The following DPP6 variants were observed in gnomAD, a reference collection of about 807,000 sequenced individuals.
DPP6 encodes the protein A-type potassium channel modulatory protein DPP6.
DPP6 carries 69 observed loss-of-function variants against 122.6 expected under a neutral mutation model. The ratio of observed to expected loss-of-function variants is 0.56; its 90% CI spans 0.46 to 0.69. The LOEUF is 0.69. Ranked by LOEUF, DPP6 falls within the 30% of genes least tolerant of loss-of-function variation. The pLI, the probability that DPP6 is intolerant of heterozygous loss-of-function variation, is 0.00. For missense variants in DPP6, 928 were observed against 1,116.9 expected (o/e 0.83, Z 2.41); for synonymous variants, 418 against 433.1 (o/e 0.97, Z 0.43).
chr7:154,867,050 GATC>G (rs1177007214), intron 17 of DPP6, among the ~76,000 whole-genome samples: 1 of 150,016 alleles, frequency 6.7e-6, no homozygotes, highest in Non-Finnish European at 1.5e-5. Context: ...CATTGTTTGT[GATC>G]ATTTGTTTAC....
intron 10 of DPP6, among the ~76,000 whole-genome samples, chr7:154,783,527 G>A (rs1797156124): frequency 6.6e-6 from 1 of 152,156 alleles, no homozygotes; most frequent in South Asian, 2.1e-4. Flanking sequence ...CGCAGCACAG[G>A]ATTCTGCTCT....
At chr7:154,745,133 AG>A (rs1005736340) in intron 8 of DPP6, among the ~76,000 whole-genome samples, 10 of 152,232 alleles carry the variant, frequency 6.6e-5, no homozygotes, top group Non-Finnish European at 1.3e-4. Context: ...CCAGCAGTGT[AG>A]TGGAAGGAGC....
At chr7:153,778,279 G>A in the DPP6 span, among the ~76,000 whole-genome samples, 4 of 151,758 alleles carry the variant, frequency 2.6e-5, no homozygotes, top group African/African-American at 9.7e-5. Flanking sequence ...AGGGAGCTTG[G>A]TGGTATCCGT....
At chr7:154,044,093 A>G (rs1799900842) in intron 1 of DPP6, among the ~76,000 whole-genome samples, 1 of 152,042 alleles carries the variant, frequency 6.6e-6, no homozygotes, top group Admixed American at 6.6e-5. Flanking sequence ...GTGAGGGAAA[A>G]GGCTGATCAA....
chr7:154,544,123 A>G (rs1243646925), intron 4 of DPP6, among the ~76,000 whole-genome samples: 2 of 147,476 alleles, frequency 1.4e-5, no homozygotes, highest in Admixed American at 6.8e-5. Flanking sequence ...ATATATATAC[A>G]CACAAATATA....
At chr7:154,850,533 A>G (rs1802288331) in intron 16 of DPP6, among the ~76,000 whole-genome samples, 1 of 152,138 alleles carries the variant, frequency 6.6e-6, no homozygotes, top group South Asian at 2.1e-4. Context: ...AAGGACTGGT[A>G]TTAGTTCTTC....
At chr7:154,295,816 T>G (rs1006917654) in intron 1 of DPP6, among the ~76,000 whole-genome samples, 1 of 152,214 alleles carries the variant, frequency 6.6e-6, no homozygotes, top group African/African-American at 2.4e-5. Context: ...CTTATGTGTT[T>G]TGTGCGTATT....
chr7:154,551,944 G>A (rs1001703753), intron 4 of DPP6, among the ~76,000 whole-genome samples: 1 of 152,154 alleles, frequency 6.6e-6, no homozygotes, highest in Non-Finnish European at 1.5e-5. Context: ...TTTTATGGAA[G>A]CTTCTAGGTG....
Position 154,803,750 on chromosome 7 carries a change from A to G in DPP6, c.1408-114A>G, listed in dbSNP as rs962010611. 5 of 1,443,028 alleles carry G rather than the reference A, an allele frequency of 3.5e-6. No homozygotes were observed. In the African/African-American group the frequency reaches 7.1e-5, roughly 20 times the overall value. 89.4% of individuals were successfully genotyped at this position (1,443,028 alleles called of 1,614,324 possible). On this transcript the variant is annotated intron_variant, in intron 13 of 25. Coordinates refer to ENST00000377770, the MANE Select transcript of DPP6 (RefSeq NM_130797.4). ...GCAGAAGGGGCAGAGAGCCCTTCCC[A>G]CAGAGAGAATGGCAGCCCCTGTCAC... is the stretch of plus-strand genomic sequence containing the variant.
In DPP6 at chr7:154,624,678, G is replaced by A. The variant is rs1834953177; in HGVS notation, c.628-13143G>A. Among the ~76,000 whole-genome samples the A allele has an allele frequency of 1.3e-5, 2 of 152,102 alleles. No homozygotes were observed. Among genetic ancestry groups the A allele is most frequent in the South Asian group, 4.1e-4 (2 of 4,820 alleles). On this transcript the variant is annotated intron_variant, in intron 5 of 25. Transcript: ENST00000377770. This position sits in a 1 kb window ranked among gnomAD's most constrained non-coding sequence, Gnocchi z 4.7. Reference sequence around the variant, plus strand: ...CACACAAACAATAGAAAGCAATGGAGCCCTTGTTAGAAACACATATTTCTA... The same window carrying A: ...CACACAAACAATAGAAAGCAATGGAACCCTTGTTAGAAACACATATTTCTA...
chr7:153,799,506 G>A, the DPP6 span, among the ~76,000 whole-genome samples: 1 of 152,088 alleles, frequency 6.6e-6, no homozygotes, highest in Non-Finnish European at 1.5e-5. Flanking sequence ...CGGAGAGCTT[G>A]CACCGCCTCC....
chr7:154,239,600 C>G (rs538141537), intron 1 of DPP6, among the ~76,000 whole-genome samples: 6 of 152,184 alleles, frequency 3.9e-5, no homozygotes, highest in African/African-American at 1.2e-4. Context: ...AATGTGTGTT[C>G]ATCGACTGTT....
chr7:153,868,170 T>C, the DPP6 span, among the ~76,000 whole-genome samples: 1 of 152,138 alleles, frequency 6.6e-6, no homozygotes, highest in South Asian at 2.1e-4. Context: ...CCTCATAAAA[T>C]GAGTTAGGGA....
intron 1 of DPP6, among the ~76,000 whole-genome samples, chr7:154,227,210 T>C (rs1585679609): frequency 3.0e-4 from 1 of 3,334 alleles, no homozygotes; most frequent in Non-Finnish European, 6.4e-4. Flanking sequence ...ATAAAGAAAA[T>C]GAGGGACACA....
chr7:154,574,003 G>T (rs1044578428), intron 5 of DPP6, among the ~76,000 whole-genome samples: 4 of 152,138 alleles, frequency 2.6e-5, no homozygotes, highest in Non-Finnish European at 4.4e-5. Context: ...GTGTTTTGTT[G>T]TATTGTTTTG....
intron 7 of DPP6, among the ~76,000 whole-genome samples, chr7:154,698,230 A>G (rs866554392): frequency 4.6e-5 from 7 of 152,206 alleles, no homozygotes; most frequent in African/African-American, 1.4e-4. Flanking sequence ...TCATAGTTAC[A>G]TAGTATTTCA....
Position 154,318,393 on chromosome 7 carries a change from C to A in DPP6, c.244-127821C>A, listed in dbSNP as rs1807622642. ...ATCGATTTAGAGATAATGAGAGTGA[C>A]CTAGGGAAAAAGTTATTAAGCCACA... On this transcript the variant is annotated intron_variant, in intron 1 of 25. Transcript: ENST00000377770. Among the ~76,000 whole-genome samples, 3 of 152,236 alleles carry A rather than the reference C, an allele frequency of 2.0e-5. No homozygotes were observed. The East Asian group carries it at 5.8e-4, about 29-fold the overall frequency.
chr7:153,977,458 T>C (rs1487697781), intron 1 of DPP6, among the ~76,000 whole-genome samples: 1 of 152,210 alleles, frequency 6.6e-6, no homozygotes, highest in South Asian at 2.1e-4. Context: ...AACAGCTTTA[T>C]GTGCATGTGT....
chr7:154,367,301 G>A (rs1052416941), intron 1 of DPP6, among the ~76,000 whole-genome samples: 1 of 152,300 alleles, frequency 6.6e-6, no homozygotes, highest in South Asian at 2.1e-4. Flanking sequence ...GGTTAACCTG[G>A]AGCCACAGTG....
Sources: allele counts gnomAD v4.1 joint callset (sites outside exome capture counted in the v4.1 genomes callset), GRCh38; gene constraint gnomAD v4.1.1; non-coding constraint Gnocchi (gnomAD v3.1); transcripts MANE v1.5; gene names NCBI Gene and HGNC (gene_info 2026-07-23, HGNC 2026-07-21).